Variants in MACROD2 observed in about 807,000 individuals in gnomAD.
The protein encoded by MACROD2 is ADP-ribose glycohydrolase MACROD2.
MACROD2 carries 36 observed loss-of-function variants against 70.4 expected under a neutral mutation model. That is an observed-to-expected ratio of 0.51 (90% CI 0.39 to 0.68). The LOEUF is 0.68. MACROD2 is among the 30% of genes least tolerant of loss of function. The pLI, the probability that MACROD2 is intolerant of heterozygous loss-of-function variation, is 0.00. For synonymous variants in MACROD2, 172 were observed against 178.8 expected, an observed-to-expected ratio of 0.96 and a Z score of 0.30; for missense variants, 496 against 538.4, an observed-to-expected ratio of 0.92 and a Z score of 0.78.
chr20:14,008,682 C>A (rs1222814172), intron 2 of MACROD2, among the ~76,000 whole-genome samples: 1 of 152,104 alleles, frequency 6.6e-6, no homozygotes, highest in Non-Finnish European at 1.5e-5. Flanking sequence ...GCAAAAAGAA[C>A]AAAGCTAGAG....
intron 3 of MACROD2, among the ~76,000 whole-genome samples, chr20:14,241,991 G>T (rs1385451497): frequency 6.6e-6 from 1 of 152,036 alleles, no homozygotes; most frequent in South Asian, 2.1e-4. Flanking sequence ...TTACATCTTA[G>T]TAACCTCAGT....
chr20:14,163,816 A>G (rs968130176), intron 3 of MACROD2, among the ~76,000 whole-genome samples: 1 of 150,900 alleles, frequency 6.6e-6, no homozygotes, highest in Non-Finnish European at 1.5e-5. Flanking sequence ...CTTTTTTATG[A>G]TATGTTTTTG....
chr20:14,351,101 GA>G (rs1460485363), intron 3 of MACROD2, among the ~76,000 whole-genome samples: 3 of 152,118 alleles, frequency 2.0e-5, no homozygotes, highest in African/African-American at 7.2e-5. Flanking sequence ...CTGTTCCATT[GA>G]GCTATGTGTC....
At chr20:15,163,067 A>C (rs2076359523) in intron 5 of MACROD2, among the ~76,000 whole-genome samples, 1 of 152,094 alleles carries the variant, frequency 6.6e-6, no homozygotes, top group East Asian at 1.9e-4. Context: ...CAAGGAGATT[A>C]AAATAATCTG....
chr20:14,964,310 C>T (rs950028067), intron 5 of MACROD2, among the ~76,000 whole-genome samples: 17 of 152,204 alleles, frequency 1.1e-4, no homozygotes, highest in Non-Finnish European at 1.9e-4. Context: ...CGGTGGCTCA[C>T]GCCTGTAATC....
intron 4 of MACROD2, among the ~76,000 whole-genome samples, chr20:14,586,442 A>G (rs985941186): frequency 6.6e-6 from 1 of 152,128 alleles, no homozygotes; most frequent in African/African-American, 2.4e-5. Flanking sequence ...GCTTACACAG[A>G]TGACATTCAG....
In MACROD2 at chr20:14,953,105, GA is replaced by G. The variant is rs908441158; in HGVS notation, c.418+268154del. On this transcript the variant is annotated intron_variant, in intron 5 of 17. Coordinates refer to ENST00000684519, the MANE Select transcript of MACROD2 (RefSeq NM_001351661.2). ...CTCATATCTAATAAATAATAGACCA[GA>G]AAAAAAAGGGCCTGGTCATCTTATT... Among the ~76,000 whole-genome samples, 10 of 151,064 alleles carry G rather than the reference GA, an allele frequency of 6.6e-5. No individual in the cohort carries two copies. The East Asian group carries it at 1.8e-3, about 26-fold the overall frequency.
intron 5 of MACROD2, among the ~76,000 whole-genome samples, chr20:14,751,568 T>G (rs1003700686): frequency 1.3e-5 from 2 of 152,110 alleles, no homozygotes; most frequent in Non-Finnish European, 2.9e-5. Context: ...CAAACAATTC[T>G]GAAGTTAAAT....
intron 3 of MACROD2, among the ~76,000 whole-genome samples, chr20:14,099,742 A>T (rs2054273594): frequency 1.3e-5 from 2 of 152,138 alleles, no homozygotes; most frequent in African/African-American, 4.8e-5. Context: ...TGCATAGGAC[A>T]CTGTTGTGTG....
rs183811739 is a variant in MACROD2, at chr20:15,563,564, A to G, written c.645+63717A>G. ...AAAGACTATAAATTATTTTGGCACT[A>G]AAACTATTAAAAAGTATATTTCACT... On this transcript the variant is annotated intron_variant, in intron 8 of 17. Coordinates refer to ENST00000684519, the MANE Select transcript of MACROD2 (RefSeq NM_001351661.2). Among the ~76,000 whole-genome samples, 4 of 152,364 alleles carry G rather than the reference A, an allele frequency of 2.6e-5. No homozygotes were observed. The East Asian group carries it at 7.7e-4, about 29-fold the overall frequency.
intron 5 of MACROD2, among the ~76,000 whole-genome samples, chr20:15,149,328 T>C (rs2076252392): frequency 6.6e-6 from 1 of 152,052 alleles, no homozygotes; most frequent in African/African-American, 2.4e-5. Flanking sequence ...CTGCCTTTGC[T>C]GGTGTGTGGC....
intron 5 of MACROD2, among the ~76,000 whole-genome samples, chr20:14,854,244 C>T (rs1600726923): frequency 6.6e-6 from 1 of 152,126 alleles, no homozygotes; most frequent in Non-Finnish European, 1.5e-5. Context: ...AAAGAACAGC[C>T]TGTTCCATCG....
At chr20:14,766,067 C>A (rs204109) in intron 5 of MACROD2, among the ~76,000 whole-genome samples, 11,094 of 152,130 alleles carry the variant, frequency 0.073, 487 homozygotes, top group Middle Eastern at 0.21. Flanking sequence ...ACCCCATTCA[C>A]ATTGCCCTCA....
intron 5 of MACROD2, among the ~76,000 whole-genome samples, chr20:15,131,282 GAAA>G (rs2076102948): frequency 6.6e-6 from 1 of 152,018 alleles, no homozygotes. Flanking sequence ...TTTCAGGGGA[GAAA>G]AATGTGGGTA....
At chr20:14,112,686 G>A (rs2054467008) in intron 3 of MACROD2, among the ~76,000 whole-genome samples, 1 of 151,638 alleles carries the variant, frequency 6.6e-6, no homozygotes, top group African/African-American at 2.4e-5. Context: ...AAATCTGGAT[G>A]GTATTCATTT....
chr20:14,556,947 T>C (rs1884701), intron 4 of MACROD2, among the ~76,000 whole-genome samples: 81,422 of 151,678 alleles, frequency 0.54, 23,351 homozygotes, highest in East Asian at 0.66. Flanking sequence ...AGAACCAAGT[T>C]TGAATACTTA....
intron 3 of MACROD2, among the ~76,000 whole-genome samples, chr20:14,336,766 G>A (rs1403980305): frequency 6.6e-6 from 1 of 152,172 alleles, no homozygotes; most frequent in Non-Finnish European, 1.5e-5. Flanking sequence ...GAGGGAATAT[G>A]GTTTGGAAGA....
intron 5 of MACROD2, among the ~76,000 whole-genome samples, chr20:15,079,608 C>A (rs1483252503): frequency 1.3e-5 from 2 of 152,100 alleles, no homozygotes; most frequent in Admixed American, 1.3e-4. Flanking sequence ...ACCTCCCTGG[C>A]ATGGAGTTCA....
chr20:15,896,894 T>C (rs2064981319), intron 10 of MACROD2, among the ~76,000 whole-genome samples: 1 of 152,204 alleles, frequency 6.6e-6, no homozygotes, highest in South Asian at 2.1e-4. Flanking sequence ...TCATGTGCTA[T>C]AAATGATAAT....
Sources: gnomAD v4.1 joint callset for allele counts (sites outside exome capture counted in the v4.1 genomes callset) on GRCh38, gnomAD v4.1.1 for gene constraint, MANE v1.5 for transcripts, NCBI Gene and HGNC (gene_info 2026-07-23, HGNC 2026-07-21) for gene names.